The following TPH1 variants were observed in gnomAD, a reference collection of about 807,000 sequenced individuals.
TPH1 encodes tryptophan hydroxylase 1, also known as tryptophan 5-hydroxylase 1.
TPH1 carries 37 observed loss-of-function variants against 49.5 expected under a neutral mutation model. That is an observed-to-expected ratio of 0.75 (90% CI 0.58 to 0.98). The LOEUF (loss-of-function observed/expected upper bound fraction) is 0.98, where lower values mean the gene tolerates loss of function less well. Among genes scored for constraint, TPH1 ranks in the 50% least tolerant of loss-of-function variants. The pLI is 0.00. For missense variants in TPH1, 487 were observed against 523.6 expected, an observed-to-expected ratio of 0.93 and a Z score of 0.68; for synonymous variants, 160 against 182.1, an observed-to-expected ratio of 0.88 and a Z score of 0.98.
At chr11:18,023,230 T>C in intron 9 of TPH1, 2 of 366,872 alleles carry the variant, frequency 5.5e-6, no homozygotes, top group East Asian at 6.2e-5. Flanking sequence ...ACCTACTTTC[T>C]ACCCAACACT....
chr11:18,039,540 CAA>C (rs577921319), intron 2 of TPH1, among the ~76,000 whole-genome samples: 3 of 152,180 alleles, frequency 2.0e-5, no homozygotes, highest in Non-Finnish European at 4.4e-5. Context: ...TTCCTATAAA[CAA>C]TAAATCTTTG....
intron 3 of TPH1, among the ~76,000 whole-genome samples, chr11:18,035,577 T>C (rs960422639): frequency 6.6e-6 from 1 of 151,824 alleles, no homozygotes; most frequent in African/African-American, 2.4e-5. Flanking sequence ...CATAGATGCA[T>C]GCCACCACAC....
At chr11:18,038,007 A>G (rs1294509232) in intron 2 of TPH1, among the ~76,000 whole-genome samples, 1 of 152,218 alleles carries the variant, frequency 6.6e-6, no homozygotes, top group African/African-American at 2.4e-5. Flanking sequence ...TATTTACATA[A>G]TCTTAATAAT....
At chr11:18,044,397 A>G (rs1282983804) in intron 1 of TPH1, among the ~76,000 whole-genome samples, 1 of 152,156 alleles carries the variant, frequency 6.6e-6, no homozygotes, top group Admixed American at 6.5e-5. Flanking sequence ...ACTCCAGCCC[A>G]GGTGACAGAG....
chr11:18,046,104 G>A (rs1848138511), intron 1 of TPH1, among the ~76,000 whole-genome samples, 137 bp downstream of exon 1: 2 of 152,158 alleles, frequency 1.3e-5, no homozygotes, highest in Admixed American at 6.5e-5. Flanking sequence ...GTACAACTCC[G>A]ACCTCCCAAA....
intron 4 of TPH1, among the ~76,000 whole-genome samples, chr11:18,032,261 C>T (rs1847997839): frequency 6.6e-6 from 1 of 152,140 alleles, no homozygotes; most frequent in Admixed American, 6.5e-5. Flanking sequence ...CTTCCTAGTT[C>T]ATCAACTGCC....
intron 3 of TPH1, among the ~76,000 whole-genome samples, chr11:18,035,132 C>G (rs774097964): frequency 6.6e-6 from 1 of 152,186 alleles, no homozygotes; most frequent in Non-Finnish European, 1.5e-5. Context: ...AGGCCACGGA[C>G]GAGTCCCCTG....
intron 6 of TPH1, among the ~76,000 whole-genome samples, chr11:18,028,189 TCAAA>T (rs1253457564): frequency 6.6e-6 from 1 of 152,052 alleles, no homozygotes; most frequent in Non-Finnish European, 1.5e-5. Context: ...GAGGCCTGGA[TCAAA>T]CAAATATAAA....
At chr11:18,046,202 G>A (rs1217670537) in intron 1 of TPH1, among the ~76,000 whole-genome samples, 39 bp downstream of exon 1, 5 of 152,208 alleles carry the variant, frequency 3.3e-5, no homozygotes, top group African/African-American at 1.2e-4. Context: ...AGCCTCGACG[G>A]CGGTCCCCGG....
chr11:18,032,180 C>G (rs1226296587), intron 4 of TPH1, among the ~76,000 whole-genome samples: 1 of 152,084 alleles, frequency 6.6e-6, no homozygotes, highest in Non-Finnish European at 1.5e-5. Context: ...CTCTCCTCCC[C>G]TCCCAGAAAT....
At chr11:18,040,169 T>C (rs1848085730) in intron 2 of TPH1, among the ~76,000 whole-genome samples, 1 of 149,088 alleles carries the variant, frequency 6.7e-6, no homozygotes, top group South Asian at 2.1e-4. Flanking sequence ...AAAGTGAATC[T>C]TTTCTCCCCC....
chr11:18,019,476 C>A lies in TPH1; in HGVS notation c.*1515G>T, dbSNP rs534023970. 2.8e-6 allele frequency: 1 copy of A among 361,770 alleles called. No homozygotes were observed. The highest frequency in any genetic ancestry group is 5.4e-6 in the Non-Finnish European group (1 of 185,642). The allele number at this position is 361,770 out of a possible 1,614,324, so 22.4% of individuals were successfully genotyped here. ...TGGCAGGGCTGTCATATTGAACAACCCCTATTCATTCTATGTGGATGATGC... is the reference window on the plus strand; with the variant it reads ...TGGCAGGGCTGTCATATTGAACAACACCTATTCATTCTATGTGGATGATGC... On this transcript the variant is annotated 3_prime_UTR_variant, in exon 11 of 11. Coordinates refer to ENST00000682019, the MANE Select transcript of TPH1 (RefSeq NM_004179.3).
intron 3 of TPH1, 66 bp from the exon 4 acceptor site, chr11:18,033,440 C>T: frequency 1.6e-6 from 2 of 1,224,678 alleles, no homozygotes; most frequent in East Asian, 2.4e-5. Flanking sequence ...TTAAACAAGA[C>T]AATAAAGAAG....
intron 8 of TPH1, among the ~76,000 whole-genome samples, chr11:18,024,331 T>G (rs1354236042): frequency 6.6e-6 from 1 of 152,178 alleles, no homozygotes; most frequent in Non-Finnish European, 1.5e-5. Context: ...ACAAAGAATG[T>G]TTTAATACAA....
chr11:18,023,003 G>T (rs1315247595), intron 9 of TPH1, 72 bp from the exon 10 acceptor site: 5 of 1,528,024 alleles, frequency 3.3e-6, no homozygotes, highest in Non-Finnish European at 4.5e-6. Flanking sequence ...TCCATAATTG[G>T]CTCACCTCTA....
At chr11:18,026,712 A>G in intron 6 of TPH1, 87 bp from the exon 7 acceptor site, 1 of 1,516,778 alleles carries the variant, frequency 6.6e-7, no homozygotes, top group Non-Finnish European at 9.1e-7. Context: ...GGCACCAAGT[A>G]ACACGTTGAT....
chr11:18,029,520 G>C lies in TPH1; in HGVS notation c.462C>G (p.Asn154Lys). Reference protein sequence around the residue: ...RRKYFADLAMNYKHGDPIPKV... With the variant: ...RRKYFADLAMKYKHGDPIPKV... ...TTTTTAAATATACTTACTGTTTATA[G>C]TTCATAGCCAAGTCCGCAAAATACT... Residue 154 changes from asparagine to lysine, a missense_variant, in exon 5 of 11, where the codon AAC becomes AAG. Transcript: ENST00000682019. The C allele has an allele frequency of 1.9e-6, 3 of 1,611,056 alleles. No homozygotes were observed. Among genetic ancestry groups the C allele is most frequent in the Non-Finnish European group, 2.5e-6 (3 of 1,177,828 alleles).
chr11:18,030,281 G>A (rs1007694769), intron 4 of TPH1, among the ~76,000 whole-genome samples: 1 of 152,062 alleles, frequency 6.6e-6, no homozygotes, highest in Non-Finnish European at 1.5e-5. Flanking sequence ...AACTAGCCAA[G>A]TGTGATGGTG....
chr11:18,045,031 T>TG (rs1293333951), intron 1 of TPH1, among the ~76,000 whole-genome samples: 1 of 152,170 alleles, frequency 6.6e-6, no homozygotes, highest in African/African-American at 2.4e-5. Flanking sequence ...ACCCGACCCT[T>TG]GGGAGAGGTC....
Sources: allele counts gnomAD v4.1 joint callset (sites outside exome capture counted in the v4.1 genomes callset), GRCh38; gene constraint gnomAD v4.1.1; transcripts MANE v1.5; gene names NCBI Gene and HGNC (gene_info 2026-07-23, HGNC 2026-07-21).